TNFRSF21: variants seen among roughly 807,000 people sequenced by gnomAD.
TNFRSF21 encodes tumor necrosis factor receptor superfamily member 21.
In TNFRSF21, 19 loss-of-function variants were observed where a neutral mutation model predicts 45.6. The ratio of observed to expected loss-of-function variants is 0.42; its 90% CI spans 0.29 to 0.61. The LOEUF (loss-of-function observed/expected upper bound fraction) is 0.61, where lower values mean the gene tolerates loss of function less well. Ranked by LOEUF, TNFRSF21 falls within the 20% of genes least tolerant of loss-of-function variation. TNFRSF21 has a pLI of 0.23. For missense variants in TNFRSF21, 737 were observed against 851.5 expected, an observed-to-expected ratio of 0.87 and a Z score of 1.67; for synonymous variants, 314 against 335.5, an observed-to-expected ratio of 0.94 and a Z score of 0.70.
At chr6:47,247,459 G>C (rs1308092278) in intron 4 of TNFRSF21, among the ~76,000 whole-genome samples, 1 of 152,186 alleles carries the variant, frequency 6.6e-6, no homozygotes, top group East Asian at 1.9e-4. Flanking sequence ...GAAAATTAAT[G>C]ACAAAGACTA....
chr6:47,286,077 C>T lies in TNFRSF21; in HGVS notation c.615G>A (p.Lys205=). ...QNLVVIKPGT[K]ETDNVCGTLP... The stretch of plus-strand genomic sequence containing the variant: ...GTGTGCCACAGACGTTGTCTGTCTC[C>T]TTGGTCCCCGGCTTGATCACCACCA... Residue 205 remains lysine (K), a synonymous_variant, in exon 2 of 6, where the codon AAG becomes AAA. Transcript: ENST00000296861. 6.2e-7 allele frequency: 1 copy of T among 1,614,172 alleles called. No homozygotes were observed. The highest frequency in any genetic ancestry group is 8.5e-7 in the Non-Finnish European group (1 of 1,180,038).
intron 4 of TNFRSF21, among the ~76,000 whole-genome samples, chr6:47,239,024 C>T (rs886768139): frequency 1.9e-4 from 29 of 152,160 alleles, no homozygotes; most frequent in African/African-American, 7.0e-4. Context: ...CAGTGGCTTA[C>T]ACCTGTAATC....
intron 1 of TNFRSF21, among the ~76,000 whole-genome samples, chr6:47,289,072 G>A (rs940798187): frequency 7.9e-5 from 12 of 152,264 alleles, no homozygotes; most frequent in African/African-American, 2.2e-4. Context: ...TTAAGAGAAA[G>A]TTTTTCTGCA....
chr6:47,242,483 A>G (rs1372171699), intron 4 of TNFRSF21, among the ~76,000 whole-genome samples: 1 of 152,192 alleles, frequency 6.6e-6, no homozygotes, highest in Non-Finnish European at 1.5e-5. Context: ...ACCCCCATTT[A>G]AGTCAAAGTG....
intron 3 of TNFRSF21, among the ~76,000 whole-genome samples, chr6:47,274,844 T>C (rs920611253): frequency 1.3e-5 from 2 of 151,810 alleles, no homozygotes; most frequent in African/African-American, 2.4e-5. Context: ...GAACAGACAC[T>C]TCTCAAAAGA....
rs79437345 is a variant in TNFRSF21, at chr6:47,254,048, C to A, written c.1244-527G>T. ...CTTTTCTTATTAAGTGGGGAACTTT[C>A]ATGTTTTCACTTAAAGGAAGCACTT... On this transcript the variant is annotated intron_variant, in intron 3 of 5. Transcript: ENST00000296861. Among the ~76,000 whole-genome samples the A allele has an allele frequency of 8.7e-4, 132 of 152,332 alleles. 2 individuals are homozygous for A. The highest frequency in any genetic ancestry group is 6.8e-3 in the South Asian group (33 of 4,826).
intron 5 of TNFRSF21, among the ~76,000 whole-genome samples, chr6:47,233,765 A>T (rs1764620062): frequency 6.6e-6 from 1 of 151,764 alleles, no homozygotes; most frequent in Non-Finnish European, 1.5e-5. Flanking sequence ...AATACGTAAA[A>T]TATCAAATAT....
chr6:47,294,384 C>T (rs539076471), intron 1 of TNFRSF21, among the ~76,000 whole-genome samples: 42 of 152,324 alleles, frequency 2.8e-4, no homozygotes, highest in African/African-American at 9.4e-4. Flanking sequence ...CCTCGTGATC[C>T]GCCTGCCTCA....
chr6:47,273,080 G>A (rs1188259304), intron 3 of TNFRSF21, among the ~76,000 whole-genome samples: 1 of 152,122 alleles, frequency 6.6e-6, no homozygotes, highest in East Asian at 1.9e-4. Context: ...AATTCTACCA[G>A]AAGTACAAAG....
At chr6:47,267,510 A>C (rs1197839150) in intron 3 of TNFRSF21, among the ~76,000 whole-genome samples, 1 of 152,138 alleles carries the variant, frequency 6.6e-6, no homozygotes, top group Non-Finnish European at 1.5e-5. Context: ...CTTCTGGCCT[A>C]TGTGACTCAT....
At chr6:47,298,284 TAAAAAAAAAA>T (rs558717941) in intron 1 of TNFRSF21, among the ~76,000 whole-genome samples, 2 of 74,408 alleles carry the variant, frequency 2.7e-5, no homozygotes, top group South Asian at 4.0e-4. Flanking sequence ...TACAAAAAAT[TAAAAAAAAAA>T]AAAAAAAAAA....
intron 3 of TNFRSF21, among the ~76,000 whole-genome samples, chr6:47,267,802 T>TG (rs552983924): frequency 9.6e-4 from 146 of 152,306 alleles, no homozygotes; most frequent in Admixed American, 2.3e-3. Context: ...CAGGTATATC[T>TG]GACGCATGAG....
intron 3 of TNFRSF21, among the ~76,000 whole-genome samples, chr6:47,272,234 A>T (rs1762432513): frequency 1.3e-5 from 2 of 152,148 alleles, no homozygotes; most frequent in South Asian, 4.1e-4. Flanking sequence ...ACCACATCAC[A>T]CTTTTTCTAA....
At chr6:47,286,683 C>G in intron 1 of TNFRSF21, 88 bp from the exon 2 acceptor site, 1 of 1,340,450 alleles carries the variant, frequency 7.5e-7, no homozygotes, top group Non-Finnish European at 1.0e-6. Context: ...ACAATTCCAG[C>G]ACCACCATCA....
rs1235511148 is a variant in TNFRSF21, at chr6:47,253,258, G to C, written c.1507C>G (p.Gln503Glu). Residue 503 changes from glutamine to glutamate, a missense_variant and splice_region_variant, in exon 4 of 6, where the codon CAG (glutamine) becomes GAG (glutamate). By Grantham distance (29) the Gln-to-Glu change is conservative. Transcript: ENST00000296861. ...KIRGLMEDTT[Q>E]LETDKLALPM... is the part of the protein sequence containing the mutation. The stretch of plus-strand genomic sequence containing the variant: ...ACACACAACAAGGGCTCCATTACCT[G>C]GGTGGTGTCTTCCATCAGCCCACGA... The C allele has an allele frequency of 6.2e-7, 1 of 1,612,376 alleles. No individual in the cohort carries two copies. The highest frequency in any genetic ancestry group is 1.7e-5 in the Admixed American group (1 of 59,900).
intron 3 of TNFRSF21, among the ~76,000 whole-genome samples, chr6:47,263,314 C>G (rs1762262671): frequency 6.6e-6 from 1 of 152,114 alleles, no homozygotes; most frequent in Non-Finnish European, 1.5e-5. Flanking sequence ...ACATCTGGGT[C>G]TGCCAAGCAG....
At chr6:47,273,708 G>A (rs929689812) in intron 3 of TNFRSF21, among the ~76,000 whole-genome samples, 1 of 152,184 alleles carries the variant, frequency 6.6e-6, no homozygotes, top group African/African-American at 2.4e-5. Flanking sequence ...ATTACGAAAT[G>A]AGGAAGTCAA....
chr6:47,259,354 G>A (rs943265563), intron 3 of TNFRSF21, among the ~76,000 whole-genome samples: 13 of 150,200 alleles, frequency 8.7e-5, no homozygotes, highest in Admixed American at 5.3e-4. Context: ...GATAGACAGG[G>A]GCACAGAACA....
intron 1 of TNFRSF21, among the ~76,000 whole-genome samples, chr6:47,288,999 A>G (rs1282120595): frequency 1.3e-5 from 2 of 152,252 alleles, no homozygotes; most frequent in Non-Finnish European, 2.9e-5. Flanking sequence ...GGGAAAGGAA[A>G]TTATATTCAT....
Sources: gnomAD v4.1 joint callset for allele counts (sites outside exome capture counted in the v4.1 genomes callset) on GRCh38, gnomAD v4.1.1 for gene constraint, MANE v1.5 for transcripts, NCBI Gene and HGNC (gene_info 2026-07-23, HGNC 2026-07-21) for gene names.